Variants in BAZ1A observed in about 807,000 individuals in gnomAD.
The protein encoded by BAZ1A is bromodomain adjacent to zinc finger domain protein 1A.
A neutral mutation model predicts 185.2 loss-of-function variants in BAZ1A; 50 were observed. That is an observed-to-expected ratio of 0.27 (90% CI 0.22 to 0.34). The LOEUF (loss-of-function observed/expected upper bound fraction) is 0.34, where lower values mean the gene tolerates loss of function less well. Ranked by LOEUF, BAZ1A falls within the 10% of genes least tolerant of loss-of-function variation. The probability of loss-of-function intolerance (pLI) is 1.00; values close to 1 mark genes in which losing one functional copy is unlikely to be tolerated. For missense variants in BAZ1A, 1,356 were observed against 1,839.9 expected (o/e 0.74, Z 4.81); for synonymous variants, 571 against 615.6 (o/e 0.93, Z 1.07).
chr14:34,756,888 C>T (rs1275895332), intron 25 of BAZ1A, among the ~76,000 whole-genome samples: 1 of 152,132 alleles, frequency 6.6e-6, no homozygotes, highest in Admixed American at 6.6e-5. Context: ...GAATCAAACA[C>T]TCTGGGGCTC....
intron 2 of BAZ1A, among the ~76,000 whole-genome samples, chr14:34,863,150 G>C (rs1405682827): frequency 3.2e-5 from 4 of 124,850 alleles, no homozygotes; most frequent in Admixed American, 1.9e-4. Flanking sequence ...CACCACGCTC[G>C]GCTTTTTTTT....
chr14:34,784,511 T>C (rs567389535), intron 14 of BAZ1A, among the ~76,000 whole-genome samples: 1 of 152,222 alleles, frequency 6.6e-6, no homozygotes, highest in African/African-American at 2.4e-5. Context: ...TTTTCAAGTT[T>C]TTTTTTGTTT....
intron 18 of BAZ1A, 92 bp from the exon 19 acceptor site, chr14:34,774,582 T>C: frequency 8.0e-6 from 9 of 1,129,828 alleles, no homozygotes; most frequent in South Asian, 1.8e-5. Context: ...ATAACAGATA[T>C]AAAAGTGCTT....
chr14:34,771,884 G>A (rs887891607), intron 20 of BAZ1A, among the ~76,000 whole-genome samples: 5 of 152,164 alleles, frequency 3.3e-5, no homozygotes, highest in African/African-American at 1.2e-4. Flanking sequence ...AAAGGTTTCA[G>A]AGAGGTGACA....
intron 2 of BAZ1A, among the ~76,000 whole-genome samples, chr14:34,871,715 A>G (rs1226458331): frequency 6.6e-6 from 1 of 152,236 alleles, no homozygotes; most frequent in Non-Finnish European, 1.5e-5. Context: ...TCTACTAAAA[A>G]TACAAAAATT....
Position 34,874,613 on chromosome 14 carries a change from C to T in BAZ1A, c.-9G>A, listed in dbSNP as rs1246680630. ...CGGTGTAGCAGCGGCATCTCCCGTC[C>T]GCCCGCGGGCTCGCCTGGACCCTCG... On this transcript the variant is annotated 5_prime_UTR_variant, in exon 2 of 27. Coordinates refer to ENST00000360310, the MANE Select transcript of BAZ1A (RefSeq NM_013448.3). The surrounding 1 kb of genome is among the most constrained non-coding windows in gnomAD (Gnocchi z 4.7). 8.1e-6 allele frequency: 13 copies of T among 1,602,950 alleles called. No homozygotes were observed. Among genetic ancestry groups the T allele is most frequent in the Admixed American group, 1.7e-5 (1 of 59,476 alleles).
At chr14:34,768,671 T>C (rs945615184) in intron 21 of BAZ1A, 10 of 382,244 alleles carry the variant, frequency 2.6e-5, no homozygotes, top group African/African-American at 2.0e-4. Flanking sequence ...TAAATTTCTT[T>C]AAAAAGTTAA....
At chr14:34,820,967 CAGAGTA>C (rs57308933) in intron 4 of BAZ1A, among the ~76,000 whole-genome samples, 32,562 of 151,958 alleles carry the variant, frequency 0.21, 3,714 homozygotes, top group Non-Finnish European at 0.26. Flanking sequence ...AGTGTAGTTT[CAGAGTA>C]AGTCTTGAAG....
chr14:34,764,869 G>C lies in BAZ1A; in HGVS notation c.3614C>G (p.Ser1205Cys). 6.2e-7 allele frequency: 1 copy of C among 1,614,072 alleles called. No homozygotes were observed. The highest frequency in any genetic ancestry group is 1.3e-5 in the African/African-American group (1 of 75,006). ...CRPKQRSRRL[S>C]SRQRPSLESD... is the part of the protein sequence containing the mutation. Reference sequence around the variant, plus strand: ...TTCCAAGGATGGTCTCTGTCTAGAGGAGAGTCTTCTAGAACGTTGCTTTGG... The same window carrying C: ...TTCCAAGGATGGTCTCTGTCTAGAGCAGAGTCTTCTAGAACGTTGCTTTGG... Residue 1205 changes from serine to cysteine, a missense_variant, in exon 23 of 27, where the codon TCC (serine) becomes TGC (cysteine). By Grantham distance (112) the Ser-to-Cys change is moderately radical. Coordinates refer to ENST00000360310, the MANE Select transcript of BAZ1A (RefSeq NM_013448.3).
chr14:34,818,674 C>T lies in BAZ1A; in HGVS notation c.536+7339G>A, dbSNP rs916926557. On this transcript the variant is annotated intron_variant, in intron 4 of 26. Coordinates refer to ENST00000360310, the MANE Select transcript of BAZ1A (RefSeq NM_013448.3). ...GTTTTAAATTGCATGTCGTCCTGTC[C>T]CATCCCACCCAGGACATGAATCTTC... is the stretch of plus-strand genomic sequence containing the variant. Among the ~76,000 whole-genome samples the T allele has an allele frequency of 4.6e-5, 7 of 152,032 alleles. 1 individual carries two copies. Among genetic ancestry groups the T allele is most frequent in the Non-Finnish European group, 7.4e-5 (5 of 68,020 alleles).
At chr14:34,770,622 G>C (rs1384107821) in intron 21 of BAZ1A, among the ~76,000 whole-genome samples, 1 of 152,150 alleles carries the variant, frequency 6.6e-6, no homozygotes, top group African/African-American at 2.4e-5. Context: ...GGGAATTAGA[G>C]ACAGTTATGA....
At chr14:34,791,520 C>T (rs1470497308) in intron 12 of BAZ1A, among the ~76,000 whole-genome samples, 1 of 152,140 alleles carries the variant, frequency 6.6e-6, no homozygotes, top group African/African-American at 2.4e-5. Context: ...TGAACTCAGG[C>T]TGTAAAATCA....
intron 4 of BAZ1A, among the ~76,000 whole-genome samples, chr14:34,825,270 A>G (rs2042149527): frequency 6.6e-6 from 1 of 152,068 alleles, no homozygotes; most frequent in Admixed American, 6.6e-5. Context: ...CGTGACCAAC[A>G]TGGTGAAACC....
At chr14:34,763,265 G>T (rs1878548848) in intron 23 of BAZ1A, among the ~76,000 whole-genome samples, 1 of 152,082 alleles carries the variant, frequency 6.6e-6, no homozygotes, top group Non-Finnish European at 1.5e-5. Context: ...AGGGAAGATG[G>T]CTCTTCTAGC....
chr14:34,778,780 A>G (rs561268039), intron 17 of BAZ1A, among the ~76,000 whole-genome samples: 53 of 152,316 alleles, frequency 3.5e-4, no homozygotes, highest in Admixed American at 3.3e-4. Flanking sequence ...ATAAAAATCA[A>G]TTTCAACAAA....
chr14:34,864,900 CCA>C (rs2042832407), intron 2 of BAZ1A, among the ~76,000 whole-genome samples: 1 of 152,000 alleles, frequency 6.6e-6, no homozygotes, highest in Non-Finnish European at 1.5e-5. Flanking sequence ...CCTCAGTCTC[CCA>C]AGTAGCTGGG....
intron 21 of BAZ1A, among the ~76,000 whole-genome samples, chr14:34,767,827 T>A (rs1031988238): frequency 2.6e-5 from 4 of 152,114 alleles, no homozygotes; most frequent in Non-Finnish European, 5.9e-5. Flanking sequence ...AAAGACAAAT[T>A]ATGAAGAACT....
At chr14:34,799,894 GC>G (rs1250784325) in intron 9 of BAZ1A, among the ~76,000 whole-genome samples, 1 of 152,132 alleles carries the variant, frequency 6.6e-6, no homozygotes, top group Admixed American at 6.6e-5. Flanking sequence ...ACAGGTGTGA[GC>G]CACTGCACCC....
At chr14:34,796,398 T>C (rs1881202301) in intron 9 of BAZ1A, among the ~76,000 whole-genome samples, 1 of 152,194 alleles carries the variant, frequency 6.6e-6, no homozygotes. Context: ...AATAAGATCC[T>C]AGCAAAATAA....
Sources: gnomAD v4.1 joint callset for allele counts (sites outside exome capture counted in the v4.1 genomes callset) on GRCh38, gnomAD v4.1.1 for gene constraint, Gnocchi (gnomAD v3.1) non-coding constraint, MANE v1.5 for transcripts, NCBI Gene and HGNC (gene_info 2026-07-23, HGNC 2026-07-21) for gene names.